The following TNIK variants were observed in gnomAD, a reference collection of about 807,000 sequenced individuals.
TNIK encodes TRAF2 and NCK-interacting protein kinase.
Under a neutral mutation model 191.3 loss-of-function variants are expected in TNIK, and 49 were observed. The observed-to-expected ratio is 0.26, with a 90% CI of 0.20 to 0.32. The LOEUF (loss-of-function observed/expected upper bound fraction) is 0.32, where lower values mean the gene tolerates loss of function less well. Among genes scored for constraint, TNIK ranks in the 10% least tolerant of loss-of-function variants. The pLI, the probability that TNIK is intolerant of heterozygous loss-of-function variation, is 1.00. For missense variants in TNIK, 1,155 were observed against 1,702.3 expected (o/e 0.68, Z 5.66); for synonymous variants, 594 against 600.9 (o/e 0.99, Z 0.17).
chr3:171,140,943 G>A (rs373007695), intron 12 of TNIK, among the ~76,000 whole-genome samples: 17 of 152,152 alleles, frequency 1.1e-4, no homozygotes, highest in East Asian at 3.8e-4. Context: ...AAATCAGAGC[G>A]GTGAAGTGAC....
intron 1 of TNIK, among the ~76,000 whole-genome samples, chr3:171,437,427 T>A (rs944322606): frequency 1.3e-5 from 2 of 152,214 alleles, no homozygotes; most frequent in East Asian, 3.8e-4. Flanking sequence ...CTAATCAATA[T>A]TTAGAAGCTA....
chr3:171,368,646 T>C (rs915214640), intron 2 of TNIK, among the ~76,000 whole-genome samples: 1 of 152,178 alleles, frequency 6.6e-6, no homozygotes, highest in African/African-American at 2.4e-5. Context: ...GAATACCCTA[T>C]AAATAATACT....
At chr3:171,387,767 A>T (rs532171641) in intron 1 of TNIK, among the ~76,000 whole-genome samples, 2 of 152,174 alleles carry the variant, frequency 1.3e-5, no homozygotes, top group Non-Finnish European at 1.5e-5. Flanking sequence ...ATGAATTTCA[A>T]ACCACTAGGA....
At chr3:171,345,187 T>C (rs902177519) in intron 2 of TNIK, among the ~76,000 whole-genome samples, 33 of 152,192 alleles carry the variant, frequency 2.2e-4, no homozygotes, top group African/African-American at 7.5e-4. Context: ...ATGATTTTCA[T>C]TCTTACCTCA....
intron 3 of TNIK, among the ~76,000 whole-genome samples, chr3:171,219,549 C>A (rs1369787784): frequency 6.6e-6 from 1 of 151,666 alleles, no homozygotes; most frequent in Non-Finnish European, 1.5e-5. Context: ...TGAGAAAGAA[C>A]TTTTAATGAA....
intron 7 of TNIK, among the ~76,000 whole-genome samples, chr3:171,186,810 A>C (rs1007470282): frequency 6.6e-6 from 1 of 152,220 alleles, no homozygotes; most frequent in Non-Finnish European, 1.5e-5. Context: ...CTCATACAAC[A>C]GGATTTGCCC....
In TNIK at chr3:171,372,554, C is replaced by A. The variant is rs576669750; in HGVS notation, c.58-2869G>T. Among the ~76,000 whole-genome samples the A allele has an allele frequency of 6.6e-5, 10 of 152,336 alleles. No individual in the cohort carries two copies. In the South Asian group the frequency reaches 2.1e-3, roughly 32 times the overall value. ...CATCTGATCCATGGAAGTGCTGGAG[C>A]TAGGACAGCCCTGGAGAATTATCCT... On this transcript the variant is annotated intron_variant, in intron 1 of 32. Coordinates refer to ENST00000436636, the MANE Select transcript of TNIK (RefSeq NM_015028.4).
Position 171,092,098 on chromosome 3 carries a change from C to T in TNIK, c.2721+1741G>A, listed in dbSNP as rs187597089. Reference sequence around the variant, plus strand: ...CTGAGTAGCTGGGACTACAGGCGCCCGCCACGACGCCTGGCTAATTTTTTT... The same window carrying T: ...CTGAGTAGCTGGGACTACAGGCGCCTGCCACGACGCCTGGCTAATTTTTTT... On this transcript the variant is annotated intron_variant, in intron 23 of 32. Transcript: ENST00000436636. Among the ~76,000 whole-genome samples the T allele has an allele frequency of 5.3e-5, 8 of 151,980 alleles. No homozygotes were observed. In the South Asian group the frequency reaches 6.3e-4, roughly 12 times the overall value.
intron 2 of TNIK, among the ~76,000 whole-genome samples, chr3:171,238,004 T>C (rs924100849): frequency 6.6e-6 from 1 of 152,146 alleles, no homozygotes; most frequent in African/African-American, 2.4e-5. Context: ...CTGGTCCATA[T>C]TGGTTAATAG....
At chr3:171,253,121 C>CAA (rs35251072) in intron 2 of TNIK, among the ~76,000 whole-genome samples, 19,422 of 140,120 alleles carry the variant, frequency 0.14, 1,635 homozygotes, top group Non-Finnish European at 0.19. Flanking sequence ...CTAAAGGTAC[C>CAA]AAAAAAAAAA....
chr3:171,158,470 G>A (rs1161271422), intron 11 of TNIK, among the ~76,000 whole-genome samples: 1 of 152,218 alleles, frequency 6.6e-6, no homozygotes, highest in Non-Finnish European at 1.5e-5. Context: ...GCTCGCAGGT[G>A]AACAACTAAA....
chr3:171,149,607 G>A, intron 12 of TNIK, among the ~76,000 whole-genome samples: 1 of 152,166 alleles, frequency 6.6e-6, no homozygotes, highest in Non-Finnish European at 1.5e-5. Flanking sequence ...GGGAGGTGGG[G>A]TTCCTTATAT....
rs150321549 is a variant in TNIK, at chr3:171,335,770, C to G, written c.123+33850G>C. 9.9e-4 allele frequency among the ~76,000 whole-genome samples: 150 copies of G among 152,248 alleles called. 6 individuals are homozygous for G. In the East Asian group the frequency reaches 0.023, roughly 23 times the overall value. ...TGGTACTGGCGTGTGTTTTATTTCT[C>G]CTGGGTAAATACCTGCAAGTAGATT... On this transcript the variant is annotated intron_variant, in intron 2 of 32. Transcript: ENST00000436636.
Position 171,157,665 on chromosome 3 carries a change from C to G in TNIK, c.1017-1G>C. On this transcript the variant is annotated splice_acceptor_variant, in intron 11 of 32. Transcript: ENST00000436636. LOFTEE classifies it high-confidence loss of function. ...CTCCCCTGGCAGATTCAGGATGGAG[C>G]TGTGGGTAGGAGAGAGTGATCAGGA... The G allele has an allele frequency of 6.4e-7, 1 of 1,553,502 alleles. No homozygotes were observed. The highest frequency in any genetic ancestry group is 8.7e-7 in the Non-Finnish European group (1 of 1,148,164).
intron 2 of TNIK, among the ~76,000 whole-genome samples, chr3:171,282,121 T>C (rs1339178567): frequency 1.3e-5 from 2 of 152,206 alleles, no homozygotes; most frequent in Admixed American, 1.3e-4. Flanking sequence ...ACAATCAGTG[T>C]CTTCAATTCT....
rs925585799 is a variant in TNIK, at chr3:171,346,933, A to G, written c.123+22687T>C. 8.1e-6 allele frequency: 4 copies of G among 494,350 alleles called. No individual in the cohort carries two copies. In the Admixed American group the frequency reaches 1.1e-4, roughly 13 times the overall value. The allele number at this position is 494,350 out of a possible 1,614,324, so 30.6% of individuals were successfully genotyped here. A position where few individuals can be genotyped will look rare whatever the true frequency, so the allele number is the denominator to read the frequency against. On this transcript the variant is annotated intron_variant, in intron 2 of 32. Coordinates refer to ENST00000436636, the MANE Select transcript of TNIK (RefSeq NM_015028.4). The stretch of plus-strand genomic sequence containing the variant: ...AAAAGGTTTTAAACAGGAGAGAGAC[A>G]TGATCAAATAAGCATTTTAATATGA...
intron 21 of TNIK, among the ~76,000 whole-genome samples, chr3:171,104,364 G>C (rs904505623): frequency 2.0e-5 from 3 of 151,428 alleles, no homozygotes; most frequent in African/African-American, 7.3e-5. Flanking sequence ...TCCATATAAT[G>C]AGCCTTCTTG....
chr3:171,083,587 T>C (rs1720952637), intron 26 of TNIK, among the ~76,000 whole-genome samples: 1 of 152,210 alleles, frequency 6.6e-6, no homozygotes. Flanking sequence ...AAAATGCAGA[T>C]TGATGTTTTA....
chr3:171,139,829 T>C (rs547136878), intron 13 of TNIK, among the ~76,000 whole-genome samples: 1 of 152,340 alleles, frequency 6.6e-6, no homozygotes, highest in South Asian at 2.1e-4. Context: ...CCCAGCTACA[T>C]GTTAAAGCTT....
Sources: gnomAD v4.1 joint callset for allele counts (sites outside exome capture counted in the v4.1 genomes callset) on GRCh38, gnomAD v4.1.1 for gene constraint, MANE v1.5 for transcripts, NCBI Gene and HGNC (gene_info 2026-07-23, HGNC 2026-07-21) for gene names.